HAAO: variants seen among roughly 807,000 people sequenced by gnomAD.
HAAO encodes 3-hydroxyanthranilate 3,4-dioxygenase.
A neutral mutation model predicts 46.2 loss-of-function variants in HAAO; 49 were observed. That is an observed-to-expected ratio of 1.06 (90% confidence interval 0.84 to 1.34). The LOEUF (loss-of-function observed/expected upper bound fraction) is 1.34, where lower values mean the gene tolerates loss of function less well. Among genes scored for constraint, HAAO ranks in the 40% most tolerant of loss-of-function variants. The pLI is 0.00. For missense variants in HAAO, 408 were observed against 364.5 expected (o/e 1.12, Z -0.97); for synonymous variants, 157 against 145.2 (o/e 1.08, Z -0.58).
intron 4 of HAAO, among the ~76,000 whole-genome samples, chr2:42,771,217 AAAT>A (rs149399688): frequency 8.6e-5 from 13 of 150,590 alleles, no homozygotes; most frequent in Non-Finnish European, 1.6e-4. Context: ...TCTCTACTAA[AAAT>A]AATAATAATA....
intron 2 of HAAO, 186 bp from the exon 3 acceptor site, chr2:42,784,053 C>T: frequency 1.6e-6 from 1 of 628,724 alleles, no homozygotes; most frequent in Middle Eastern, 7.7e-4. Flanking sequence ...GTGCCGGGGA[C>T]ACATGGGATC....
intron 4 of HAAO, chr2:42,782,736 A>G (rs989155304): frequency 1.4e-5 from 4 of 280,164 alleles, no homozygotes; most frequent in African/African-American, 6.8e-5. Flanking sequence ...CAGAAACTCA[A>G]AAGAATGTAA....
intron 5 of HAAO, 47 bp from the exon 6 acceptor site, chr2:42,770,233 G>A (rs776909901): frequency 7.9e-6 from 12 of 1,524,484 alleles, no homozygotes; most frequent in African/African-American, 1.4e-5. Flanking sequence ...CACTCCCATC[G>A]GAGTGGCCAG....
At chr2:42,781,386 G>C (rs778502039) in intron 4 of HAAO, among the ~76,000 whole-genome samples, 2 of 152,014 alleles carry the variant, frequency 1.3e-5, no homozygotes, top group Non-Finnish European at 2.9e-5. Context: ...CTGACCTTTG[G>C]TAAGTAAAGA....
chr2:42,780,655 A>G (rs1671920117), intron 4 of HAAO, among the ~76,000 whole-genome samples: 1 of 152,168 alleles, frequency 6.6e-6, no homozygotes, highest in African/African-American at 2.4e-5. Context: ...CTGAACTCAT[A>G]GAAGACTAAA....
intron 4 of HAAO, among the ~76,000 whole-genome samples, chr2:42,775,283 G>C (rs980704296): frequency 9.2e-5 from 14 of 151,704 alleles, no homozygotes; most frequent in South Asian, 4.2e-4. Context: ...TGTCTGGTGG[G>C]GGGAGAAAAA....
chr2:42,779,580 A>T (rs1015825353), intron 4 of HAAO, among the ~76,000 whole-genome samples: 3 of 152,202 alleles, frequency 2.0e-5, no homozygotes, highest in African/African-American at 4.8e-5. Context: ...TCGGCCTTCC[A>T]AAGTGCTGGG....
Position 42,770,146 on chromosome 2 carries a change from G to A in HAAO, c.481C>T (p.Pro161Ser). 1 of 1,604,162 alleles carries A rather than the reference G, an allele frequency of 6.2e-7. No individual in the cohort carries two copies. Among genetic ancestry groups the A allele is most frequent in the Non-Finnish European group, 8.5e-7 (1 of 1,174,432 alleles). The change falls in exon 6 of 10, where the codon CCT (proline) becomes TCT (serine). Residue 161 changes from proline to serine, a missense_variant. By Grantham distance (74) the Pro-to-Ser change is moderately conservative. Transcript: ENST00000294973. The stretch of plus-strand genomic sequence containing the variant: ...GGGCAGTTCCCAGCGGCCTCACCAG[G>A]GATGGGCTTTCCTGTTCTGTACTGC... Reference protein sequence around the residue: ...SEQYRTGKPIPDQLLKEPPFP... With the variant: ...SEQYRTGKPISDQLLKEPPFP...
chr2:42,792,142 GCA>G (rs1476911807), intron 1 of HAAO, among the ~76,000 whole-genome samples: 2 of 152,144 alleles, frequency 1.3e-5, no homozygotes, highest in African/African-American at 4.8e-5. Context: ...TTCCCAAAAT[GCA>G]CAGTGTCACT....
At chr2:42,767,774 G>A (rs1437795991) in intron 8 of HAAO, 86 bp downstream of exon 8, 1 of 1,549,292 alleles carries the variant, frequency 6.5e-7, no homozygotes. Flanking sequence ...CCCAAGAGTG[G>A]GCCCCGTGTG....
At chr2:42,770,239 G>GCGAGCACTC in intron 5 of HAAO, 53 bp from the exon 6 acceptor site, 1 of 1,472,018 alleles carries the variant, frequency 6.8e-7, no homozygotes, top group Non-Finnish European at 9.4e-7. Context: ...CATCGGAGTG[G>GCGAGCACTC]CCAGCGACAC....
chr2:42,769,133 T>G (rs143406957), intron 7 of HAAO, among the ~76,000 whole-genome samples: 1 of 152,260 alleles, frequency 6.6e-6, no homozygotes, highest in Non-Finnish European at 1.5e-5. Context: ...TCTGATACTT[T>G]ATCACATGAT....
Position 42,767,516 on chromosome 2 carries a change from C to A in HAAO, c.783-1G>T. On this transcript the variant is annotated splice_acceptor_variant, in intron 9 of 9. Coordinates refer to ENST00000294973, the MANE Select transcript of HAAO (RefSeq NM_012205.3). LOFTEE classifies it high-confidence loss of function. Reference sequence around the variant, plus strand: ...GCCTTGTGTTCGCTCCCAGGCATACCTGTGGACACACAGATGAGCAGGGAT... The same window carrying A: ...GCCTTGTGTTCGCTCCCAGGCATACATGTGGACACACAGATGAGCAGGGAT... 1 of 1,610,948 alleles carries A rather than the reference C, an allele frequency of 6.2e-7. No individual in the cohort carries two copies.
In HAAO at chr2:42,767,342, CAG is replaced by C; in HGVS notation, c.*93_*94del. On this transcript the variant is annotated 3_prime_UTR_variant, in exon 10 of 10. Transcript: ENST00000294973. ...CTGTGGGGGACACAGCGGCAGTACACAGAGAGGTAGTGGGGGCTGGGAGAGTT... is the reference window on the plus strand; with the variant it reads ...CTGTGGGGGACACAGCGGCAGTACACAGAGGTAGTGGGGGCTGGGAGAGTT... 1 of 831,290 alleles carries C rather than the reference CAG, an allele frequency of 1.2e-6. No homozygotes were observed. 51.5% of individuals were successfully genotyped at this position (831,290 alleles called of 1,614,324 possible). A position where few individuals can be genotyped will look rare whatever the true frequency, so the allele number is the denominator to read the frequency against.
chr2:42,767,708 A>G (rs1670770748), intron 8 of HAAO, 31 bp from the exon 9 acceptor site: 2 of 1,559,742 alleles, frequency 1.3e-6, no homozygotes, highest in African/African-American at 1.4e-5. Context: ...AATCAAATGG[A>G]GACTGTTGGG....
chr2:42,767,994 G>T, intron 7 of HAAO, 66 bp from the exon 8 acceptor site: 1 of 1,422,614 alleles, frequency 7.0e-7, no homozygotes. Flanking sequence ...TCTTGAACCT[G>T]GCCCCCAGAC....
chr2:42,767,340 C>A lies in HAAO; in HGVS notation c.*97G>T, dbSNP rs1670736537. On this transcript the variant is annotated 3_prime_UTR_variant, in exon 10 of 10. Transcript: ENST00000294973. ...GTCTGTGGGGGACACAGCGGCAGTA[C>A]ACAGAGAGGTAGTGGGGGCTGGGAG... The A allele has an allele frequency of 4.9e-6, 4 of 819,532 alleles. No homozygotes were observed. Among genetic ancestry groups the A allele is most frequent in the Non-Finnish European group, 8.4e-6 (4 of 478,654 alleles). 50.8% of individuals were successfully genotyped at this position (819,532 alleles called of 1,614,324 possible). A position where few individuals can be genotyped will look rare whatever the true frequency, so the allele number is the denominator to read the frequency against.
intron 4 of HAAO, among the ~76,000 whole-genome samples, chr2:42,772,974 GCTTTT>G (rs1558662104): frequency 6.7e-6 from 1 of 149,826 alleles, no homozygotes; most frequent in African/African-American, 2.5e-5. Context: ...ACACTGTTGA[GCTTTT>G]GGAAAATCTA....
intron 2 of HAAO, among the ~76,000 whole-genome samples, chr2:42,786,828 G>T (rs1278208564): frequency 6.6e-6 from 1 of 152,186 alleles, no homozygotes; most frequent in African/African-American, 2.4e-5. Flanking sequence ...GAGGAGGAAA[G>T]TGTGGTTTGG....
Sources: allele counts gnomAD v4.1 joint callset (sites outside exome capture counted in the v4.1 genomes callset), GRCh38; gene constraint gnomAD v4.1.1; transcripts MANE v1.5; gene names NCBI Gene and HGNC (gene_info 2026-07-23, HGNC 2026-07-21).